Variants in PDS5A observed in about 807,000 individuals in gnomAD.
PDS5A encodes sister chromatid cohesion protein PDS5 homolog A.
Under a neutral mutation model 167.1 loss-of-function variants are expected in PDS5A, and 42 were observed. The observed-to-expected ratio is 0.25, with a 90% CI of 0.20 to 0.33. The LOEUF is 0.33. PDS5A is among the 10% of genes least tolerant of loss of function. The pLI is 1.00. For missense variants in PDS5A, 1,033 were observed against 1,605.9 expected, an observed-to-expected ratio of 0.64 and a Z score of 6.10; for synonymous variants, 553 against 554.6, an observed-to-expected ratio of 1.00 and a Z score of 0.04.
At chr4:39,875,693 T>C (rs1720404085) in intron 19 of PDS5A, among the ~76,000 whole-genome samples, 1 of 152,170 alleles carries the variant, frequency 6.6e-6, no homozygotes, top group Admixed American at 6.5e-5. Context: ...GGGATGTCCA[T>C]GACCAAACAG....
chr4:39,840,874 C>G (rs1351169662), intron 31 of PDS5A, among the ~76,000 whole-genome samples: 1 of 152,004 alleles, frequency 6.6e-6, no homozygotes, highest in African/African-American at 2.4e-5. Context: ...CCTGTCTCGA[C>G]CTCTTGAGTA....
At chr4:39,923,281 T>C (rs1390003115) in intron 5 of PDS5A, among the ~76,000 whole-genome samples, 3 of 140,596 alleles carry the variant, frequency 2.1e-5, no homozygotes, top group Non-Finnish European at 4.5e-5. Context: ...TGAGCAGAGA[T>C]CATGCCACTG....
chr4:39,962,500 T>C (rs906303386), intron 2 of PDS5A, among the ~76,000 whole-genome samples: 1 of 152,114 alleles, frequency 6.6e-6, no homozygotes, highest in Non-Finnish European at 1.5e-5. Context: ...ATTAGCTTAT[T>C]TGACTGCAAA....
chr4:39,923,906 T>G (rs1191554404), intron 5 of PDS5A, among the ~76,000 whole-genome samples: 2 of 152,126 alleles, frequency 1.3e-5, no homozygotes, highest in African/African-American at 4.8e-5. Flanking sequence ...ACTAGAAGTT[T>G]TAACTCACCA....
rs529711648 is a variant in PDS5A at position 39,917,703 on chromosome 4, T to C, written c.736-515A>G. ...AATTCTCCTGCCTCAATCTCTCGAG[T>C]AGCTGGGATTACAGGAACCCGCCAC... On this transcript the variant is annotated intron_variant, in intron 7 of 32. Coordinates refer to ENST00000303538, the MANE Select transcript of PDS5A (RefSeq NM_001100399.2). Among the ~76,000 whole-genome samples the C allele has an allele frequency of 1.9e-4, 29 of 152,136 alleles. No individual in the cohort carries two copies. In the East Asian group the frequency reaches 5.6e-3, roughly 29 times the overall value.
intron 26 of PDS5A, among the ~76,000 whole-genome samples, chr4:39,856,220 A>T (rs1375537995): frequency 6.6e-6 from 1 of 152,046 alleles, no homozygotes; most frequent in Non-Finnish European, 1.5e-5. Flanking sequence ...AAACAAAAAA[A>T]CCCCAACAAC....
chr4:39,914,708 A>G (rs1219396418), intron 8 of PDS5A, among the ~76,000 whole-genome samples: 1 of 152,238 alleles, frequency 6.6e-6, no homozygotes, highest in African/African-American at 2.4e-5. Context: ...TTAATGTAAA[A>G]TAAGTTATTC....
chr4:39,851,681 C>T (rs1718136125), intron 26 of PDS5A, among the ~76,000 whole-genome samples: 2 of 152,154 alleles, frequency 1.3e-5, no homozygotes, highest in South Asian at 4.1e-4. Flanking sequence ...TGCTTTTATA[C>T]TTTTAACAAA....
intron 19 of PDS5A, among the ~76,000 whole-genome samples, chr4:39,874,874 C>G (rs1046257658): frequency 6.6e-6 from 1 of 152,124 alleles, no homozygotes; most frequent in African/African-American, 2.4e-5. Context: ...TGCAAAGATA[C>G]AGCTACATAT....
At chr4:39,877,504 T>C (rs1045982993) in intron 18 of PDS5A, among the ~76,000 whole-genome samples, 7 of 152,234 alleles carry the variant, frequency 4.6e-5, no homozygotes, top group Admixed American at 2.0e-4. Flanking sequence ...AAATATATTG[T>C]ATTTAGGTGA....
intron 32 of PDS5A, among the ~76,000 whole-genome samples, chr4:39,829,522 C>G (rs755280762): frequency 6.6e-6 from 1 of 151,924 alleles, no homozygotes; most frequent in Non-Finnish European, 1.5e-5. Context: ...TGGCACACAC[C>G]TGTAGTTCTA....
At chr4:39,916,128 TCAAGAGACTGAGA>T (rs1724349573) in intron 8 of PDS5A, among the ~76,000 whole-genome samples, 2 of 151,190 alleles carry the variant, frequency 1.3e-5, no homozygotes, top group African/African-American at 4.9e-5. Flanking sequence ...TCCCAGCTCC[TCAAGAGACTGAGA>T]CAAGAAAAGC....
chr4:39,872,043 T>C lies in PDS5A; in HGVS notation c.2436+943A>G, dbSNP rs553756900. Among the ~76,000 whole-genome samples, 13 of 152,206 alleles carry C rather than the reference T, an allele frequency of 8.5e-5. No homozygotes were observed. In the East Asian group the frequency reaches 2.5e-3, roughly 29 times the overall value. ...TAATCAAGGTGTGTTTCCGAAATCA[T>C]TTGGGGAGTCTTTTCAATCTATACA... On this transcript the variant is annotated intron_variant, in intron 21 of 32. Transcript: ENST00000303538.
At chr4:39,905,241 C>G (rs1723229847) in intron 11 of PDS5A, among the ~76,000 whole-genome samples, 1 of 152,112 alleles carries the variant, frequency 6.6e-6, no homozygotes. Context: ...AGCTTCCAAT[C>G]AGCTGTGCAG....
At chr4:39,867,082 T>C (rs1719521092) in intron 22 of PDS5A, 85 bp from the exon 23 acceptor site, 1 of 1,015,766 alleles carries the variant, frequency 9.8e-7, no homozygotes. Context: ...TTAATGAGAT[T>C]ACTCATCTCC....
At chr4:39,946,559 A>T (rs770678450) in intron 2 of PDS5A, among the ~76,000 whole-genome samples, 1 of 152,182 alleles carries the variant, frequency 6.6e-6, no homozygotes, top group Non-Finnish European at 1.5e-5. Context: ...CTGACCAAGA[A>T]AAAAAGACCA....
chr4:39,926,952 C>G, intron 3 of PDS5A, 91 bp from the exon 4 acceptor site: 2 of 1,075,978 alleles, frequency 1.9e-6, no homozygotes, highest in Non-Finnish European at 1.2e-6. Context: ...TGTGTACAAA[C>G]TACAATAAAA....
chr4:39,841,685 T>A (rs546634310), intron 31 of PDS5A, among the ~76,000 whole-genome samples: 1 of 152,266 alleles, frequency 6.6e-6, no homozygotes, highest in South Asian at 2.1e-4. Flanking sequence ...GTAATTTTTT[T>A]ATTTTTAGTA....
chr4:39,850,313 C>T (rs1718017382), intron 26 of PDS5A, among the ~76,000 whole-genome samples: 1 of 149,692 alleles, frequency 6.7e-6, no homozygotes, highest in Admixed American at 6.7e-5. Flanking sequence ...CCTCGTGAGA[C>T]CCCATCTCTA....
Sources: gnomAD v4.1 joint callset for allele counts (sites outside exome capture counted in the v4.1 genomes callset) on GRCh38, gnomAD v4.1.1 for gene constraint, MANE v1.5 for transcripts, NCBI Gene and HGNC (gene_info 2026-07-23, HGNC 2026-07-21) for gene names.